XYLT1: variants seen among roughly 807,000 people sequenced by gnomAD.
The protein encoded by XYLT1 is xylosyltransferase 1, also known as beta-D-xylosyltransferase 1.
In XYLT1, 36 loss-of-function variants were observed where a neutral mutation model predicts 91.3. The ratio of observed to expected loss-of-function variants is 0.39; its 90% CI spans 0.30 to 0.52. XYLT1 has a LOEUF of 0.52. Ranked by LOEUF, XYLT1 falls within the 20% of genes least tolerant of loss-of-function variation. XYLT1 has a pLI of 0.68. For missense variants in XYLT1, 1,242 were observed against 1,284.5 expected (o/e 0.97, Z 0.51); for synonymous variants, 588 against 532.0 (o/e 1.11, Z -1.45).
In XYLT1 at chr16:17,259,177, T is replaced by C. The variant is rs780732585; in HGVS notation, c.724A>G (p.Thr242Ala). The change falls in exon 3 of 12, where the codon ACT becomes GCT. Residue 242 changes from threonine (T) to alanine (A), a missense_variant. Transcript: ENST00000261381. ...DVSRPPHARK[T>A]GGSSPETKYD... Reference sequence around the variant, plus strand: ...TTGGTCTCGGGGGAGCTGCCCCCAGTTTTCCTGGCATGAGGCGGTCTGGAC... The same window carrying C: ...TTGGTCTCGGGGGAGCTGCCCCCAGCTTTCCTGGCATGAGGCGGTCTGGAC... 13 of 1,600,100 alleles carry C rather than the reference T, an allele frequency of 8.1e-6. No homozygotes were observed. The East Asian group carries it at 2.5e-4, about 30-fold the overall frequency.
rs1272173955 is a variant in XYLT1, at chr16:17,351,748, T to TGGG, written c.402+6263_402+6264insCCC. On this transcript the variant is annotated intron_variant, in intron 2 of 11. Transcript: ENST00000261381. ...ACTACTGACATTTGAGGCTTTTTTT[T>TGGG]TGGGGGGGGGTGCTTTCCTGTGCAT... is the stretch of plus-strand genomic sequence containing the variant. Among the ~76,000 whole-genome samples, 453 of 106,344 alleles carry TGGG rather than the reference T, an allele frequency of 4.3e-3. 8 individuals carry two copies. Among genetic ancestry groups the TGGG allele is most frequent in the African/African-American group, 0.025 (425 of 17,104 alleles). 69.8% of individuals were successfully genotyped at this position (106,344 alleles called of 152,430 possible).
chr16:17,414,216 A>G (rs1191659008), intron 1 of XYLT1, among the ~76,000 whole-genome samples: 1 of 152,154 alleles, frequency 6.6e-6, no homozygotes, highest in Non-Finnish European at 1.5e-5. Context: ...CTGTGATGTC[A>G]CCCAGACATC....
rs201045664 is a variant in XYLT1, at chr16:17,127,808, C to T, written c.2081G>A (p.Arg694His). 261 of 1,614,090 alleles carry T rather than the reference C, an allele frequency of 1.6e-4. 1 individual carries two copies. The highest frequency in any genetic ancestry group is 1.8e-4 in the Admixed American group (11 of 60,010). Residue 694 changes from arginine (R) to histidine (H), a missense_variant, in exon 10 of 12, where the codon CGC becomes CAC. Arg to His is a conservative substitution (Grantham distance 29, BLOSUM62 0). Transcript: ENST00000261381. ...ATGCTTGATCAGAAAGCCCTGGAAG[C>T]GGTCAGCAAGGAAGTAGAGGTGCAC... Reference protein sequence around the residue: ...ASVHLYFLADRFQGFLIKHHA... With the variant: ...ASVHLYFLADHFQGFLIKHHA...
chr16:17,137,954 C>CCCTAGATA (rs1173136378), intron 8 of XYLT1, among the ~76,000 whole-genome samples: 1 of 152,080 alleles, frequency 6.6e-6, no homozygotes, highest in African/African-American at 2.4e-5. Flanking sequence ...AAAAGCTCAG[C>CCCTAGATA]CCTAGATATA....
intron 1 of XYLT1, among the ~76,000 whole-genome samples, chr16:17,365,060 G>A (rs774691499): frequency 5.3e-5 from 8 of 152,088 alleles, no homozygotes; most frequent in Non-Finnish European, 1.0e-4. Flanking sequence ...ATCAAGTGTC[G>A]GATGCATGCG....
intron 10 of XYLT1, among the ~76,000 whole-genome samples, chr16:17,124,233 G>A (rs1285987678): frequency 6.6e-6 from 1 of 152,172 alleles, no homozygotes; most frequent in Non-Finnish European, 1.5e-5. Context: ...TGAGATTTAT[G>A]CTTTAAAGAG....
intron 1 of XYLT1, among the ~76,000 whole-genome samples, chr16:17,370,474 G>A (rs963152203): frequency 6.6e-6 from 1 of 152,176 alleles, no homozygotes; most frequent in Non-Finnish European, 1.5e-5. Flanking sequence ...AGACATCTGC[G>A]GGGAGGGCAG....
At chr16:17,277,354 G>A (rs993693477) in intron 2 of XYLT1, among the ~76,000 whole-genome samples, 2 of 151,792 alleles carry the variant, frequency 1.3e-5, no homozygotes, top group Non-Finnish European at 2.9e-5. Context: ...TCTAACCCTT[G>A]TCCCCCTCTA....
intron 3 of XYLT1, among the ~76,000 whole-genome samples, chr16:17,226,757 T>A (rs1246072701): frequency 6.6e-6 from 1 of 152,232 alleles, no homozygotes; most frequent in Non-Finnish European, 1.5e-5. Context: ...TACTCCAGCC[T>A]GGATGACAGA....
chr16:17,242,593 T>C (rs79224539), intron 3 of XYLT1, among the ~76,000 whole-genome samples: 3,321 of 152,304 alleles, frequency 0.022, 124 homozygotes, highest in African/African-American at 0.075. Context: ...AGGCAATGCA[T>C]GTTTCAGAAG....
At chr16:17,460,378 G>T (rs1426748260) in intron 1 of XYLT1, among the ~76,000 whole-genome samples, 1 of 152,156 alleles carries the variant, frequency 6.6e-6, no homozygotes, top group Admixed American at 6.5e-5. Flanking sequence ...CCTTCAGGAT[G>T]GCCTCATGCT....
At chr16:17,450,358 C>CAAAA (rs1215689776) in intron 1 of XYLT1, among the ~76,000 whole-genome samples, 2 of 142,964 alleles carry the variant, frequency 1.4e-5, no homozygotes, top group Admixed American at 7.0e-5. Context: ...AACAAACAAA[C>CAAAA]AAACAAAAAA....
At chr16:17,118,592 ATCCT>A (rs777373504) in intron 10 of XYLT1, among the ~76,000 whole-genome samples, 243 of 152,144 alleles carry the variant, frequency 1.6e-3, no homozygotes, top group Non-Finnish European at 1.9e-3. Context: ...TCATCCTGCG[ATCCT>A]TCCTTCCTGC....
At chr16:17,150,841 G>A (rs188502704) in intron 6 of XYLT1, among the ~76,000 whole-genome samples, 2 of 152,320 alleles carry the variant, frequency 1.3e-5, no homozygotes, top group African/African-American at 4.8e-5. Flanking sequence ...GATCATTGGG[G>A]AAGGCTTCAC....
intron 1 of XYLT1, among the ~76,000 whole-genome samples, chr16:17,412,226 TCA>T (rs2036118885): frequency 6.6e-6 from 1 of 151,998 alleles, no homozygotes; most frequent in Non-Finnish European, 1.5e-5. Context: ...CAGTTTGTTC[TCA>T]CAGCCACCGT....
chr16:17,187,566 CAAA>C (rs57130941), intron 5 of XYLT1, among the ~76,000 whole-genome samples: 6 of 57,234 alleles, frequency 1.0e-4, no homozygotes, highest in Admixed American at 2.5e-4. Flanking sequence ...AACGCTGTCT[CAAA>C]AAAAAAAAAA....
chr16:17,238,715 C>T (rs1442997168), intron 3 of XYLT1, among the ~76,000 whole-genome samples: 1 of 152,266 alleles, frequency 6.6e-6, no homozygotes, highest in Non-Finnish European at 1.5e-5. Context: ...TCAGCTATCC[C>T]TTCCGCCTTC....
chr16:17,349,637 T>C (rs2035192701), intron 2 of XYLT1, among the ~76,000 whole-genome samples: 1 of 151,378 alleles, frequency 6.6e-6, no homozygotes, highest in Non-Finnish European at 1.5e-5. Flanking sequence ...CTTAACCTCT[T>C]TGCGCCTCAG....
intron 1 of XYLT1, among the ~76,000 whole-genome samples, chr16:17,358,698 G>A (rs181678687): frequency 1.4e-3 from 217 of 152,244 alleles, no homozygotes; most frequent in African/African-American, 4.6e-3. Context: ...AGAGCTCAAC[G>A]TGTATCCAAA....
Sources: gnomAD v4.1 joint callset for allele counts (sites outside exome capture counted in the v4.1 genomes callset) on GRCh38, gnomAD v4.1.1 for gene constraint, MANE v1.5 for transcripts, NCBI Gene and HGNC (gene_info 2026-07-23, HGNC 2026-07-21) for gene names.